TRPM7: variants seen among roughly 807,000 people sequenced by gnomAD.
TRPM7 encodes LTRPC ion channel family member 7.
In TRPM7, 134 loss-of-function variants were observed where a neutral mutation model predicts 229.7. That is an observed-to-expected ratio of 0.58 (90% CI 0.51 to 0.67). The LOEUF (loss-of-function observed/expected upper bound fraction) is 0.67, where lower values mean the gene tolerates loss of function less well. Among genes scored for constraint, TRPM7 ranks in the 30% least tolerant of loss-of-function variants. The probability of loss-of-function intolerance (pLI) is 0.00; values close to 1 mark genes in which losing one functional copy is unlikely to be tolerated. For synonymous variants in TRPM7, 699 were observed against 715.2 expected (o/e 0.98, Z 0.36); for missense variants, 1,901 against 2,210.0 (o/e 0.86, Z 2.80).
At position 50,613,796 on chromosome 15, in the gene TRPM7, T is replaced by A. The variant is rs1446456907; in HGVS notation, c.1681A>T (p.Ser561Cys). Residue 561 changes from serine (S) to cysteine (C), a missense_variant, in exon 15 of 39, where the codon AGT (serine) becomes TGT (cysteine). Physicochemically the swap from Ser to Cys is moderately radical, Grantham distance 112. Coordinates refer to ENST00000646667, the MANE Select transcript of TRPM7 (RefSeq NM_017672.6). Reference protein sequence around the residue: ...TSSSTPQLRKSHESFGNRADK... With the variant: ...TSSSTPQLRKCHESFGNRADK... Reference sequence around the variant, plus strand: ...GCCCTATTGCCAAAAGATTCATGACTCTTTCGCAACTGAGGAGTGCTGCTG... The same window carrying A: ...GCCCTATTGCCAAAAGATTCATGACACTTTCGCAACTGAGGAGTGCTGCTG... 6.2e-7 allele frequency: 1 copy of A among 1,613,920 alleles called. No homozygotes were observed. Among genetic ancestry groups the A allele is most frequent in the Non-Finnish European group, 8.5e-7 (1 of 1,179,998 alleles).
chr15:50,604,561 ACT>A (rs778800824), intron 21 of TRPM7: 12 of 169,850 alleles, frequency 7.1e-5, no homozygotes, highest in Non-Finnish European at 1.5e-4. Flanking sequence ...ACAGAGCGAA[ACT>A]CTGTCTCAAA....
At position 50,570,865 on chromosome 15, in the gene TRPM7, A is replaced by C. The variant is rs1239116840; in HGVS notation, c.5309-710T>G. 2.0e-5 allele frequency among the ~76,000 whole-genome samples: 3 copies of C among 151,114 alleles called. No individual in the cohort carries two copies. In the South Asian group the frequency reaches 6.2e-4, roughly 31 times the overall value. On this transcript the variant is annotated intron_variant, in intron 36 of 38. Coordinates refer to ENST00000646667, the MANE Select transcript of TRPM7 (RefSeq NM_017672.6). ...GTGAAATTCGTCTCAAAAAAAAAAC[A>C]AAAACAAAAACAAAAAACAAGTGTT...
intron 6 of TRPM7, 100 bp from the exon 7 acceptor site, chr15:50,637,693 T>C: frequency 9.3e-7 from 1 of 1,071,932 alleles, no homozygotes; most frequent in East Asian, 2.6e-5. Flanking sequence ...AGAAGTAAAA[T>C]TCTATTTTAC....
At chr15:50,612,501 C>T (rs777102721) in intron 16 of TRPM7, 48 bp downstream of exon 16, 1 of 1,561,386 alleles carries the variant, frequency 6.4e-7, no homozygotes, top group Non-Finnish European at 8.7e-7. Flanking sequence ...TCAAACAATA[C>T]CTACTTTGAA....
rs745539684 is a variant in TRPM7 at position 50,585,827 on chromosome 15, TCAC to T, written c.4486+562_4486+564del. Among the ~76,000 whole-genome samples the T allele has an allele frequency of 1.4e-4, 21 of 152,322 alleles. No homozygotes were observed. In the South Asian group the frequency reaches 1.9e-3, roughly 14 times the overall value. On this transcript the variant is annotated intron_variant, in intron 28 of 38. Transcript: ENST00000646667. ...TATAAAAAATTATGATATGGAAACA[TCAC>T]CACAATATAGTAAATGAGAAATTAA... is the stretch of plus-strand genomic sequence containing the variant.
At chr15:50,614,949 C>T (rs986494309) in intron 13 of TRPM7, among the ~76,000 whole-genome samples, 1 of 151,852 alleles carries the variant, frequency 6.6e-6, no homozygotes, top group East Asian at 1.9e-4. Flanking sequence ...GCAGGCAGAT[C>T]ACCTGAGGTT....
At chr15:50,623,881 A>C (rs2060487921) in intron 12 of TRPM7, among the ~76,000 whole-genome samples, 1 of 152,096 alleles carries the variant, frequency 6.6e-6, no homozygotes, top group Admixed American at 6.6e-5. Flanking sequence ...TATAATTAAG[A>C]AGTTGATCCT....
chr15:50,559,678 T>G lies in TRPM7; in HGVS notation c.*2000A>C, dbSNP rs1182540569. On this transcript the variant is annotated 3_prime_UTR_variant, in exon 39 of 39. Coordinates refer to ENST00000646667, the MANE Select transcript of TRPM7 (RefSeq NM_017672.6). ...ATCTGCAAAACAGGATAATAACACC[T>G]ATTTCTTTATAACATTGTTATAAGG... 4 of 152,204 alleles carry G rather than the reference T, an allele frequency of 2.6e-5. No homozygotes were observed. Among genetic ancestry groups the G allele is most frequent in the African/African-American group, 9.7e-5 (4 of 41,448 alleles). 9.4% of individuals were successfully genotyped at this position (152,204 alleles called of 1,614,324 possible).
At chr15:50,638,703 T>TGTATGTATGTATGTATGTAC in intron 6 of TRPM7, among the ~76,000 whole-genome samples, 1 of 152,152 alleles carries the variant, frequency 6.6e-6, no homozygotes, top group South Asian at 2.1e-4. Context: ...TATGTATGTA[T>TGTATGTATGTATGTATGTAC]GAGATGGAGT....
Position 50,611,372 on chromosome 15 carries a change from T to A in TRPM7, c.2052-51A>T, listed in dbSNP as rs540686992. Reference sequence around the variant, plus strand: ...TACTCAGATTAACAAACTGCAATTTTAAACCACTATTCTTATATACATTAA... The same window carrying A: ...TACTCAGATTAACAAACTGCAATTTAAAACCACTATTCTTATATACATTAA... On this transcript the variant is annotated intron_variant, in intron 16 of 38. Coordinates refer to ENST00000646667, the MANE Select transcript of TRPM7 (RefSeq NM_017672.6). 1.7e-5 allele frequency: 23 copies of A among 1,375,732 alleles called. No individual in the cohort carries two copies. The African/African-American group carries it at 3.3e-4, about 20-fold the overall frequency. The allele number at this position is 1,375,732 out of a possible 1,614,324, so 85.2% of individuals were successfully genotyped here.
intron 27 of TRPM7, among the ~76,000 whole-genome samples, chr15:50,589,102 G>A (rs1188551220): frequency 1.3e-5 from 2 of 152,146 alleles, no homozygotes; most frequent in East Asian, 3.9e-4. Context: ...CAGGCGGATC[G>A]CTTGAGGTCA....
At position 50,559,072 on chromosome 15, in the gene TRPM7, G is replaced by C. The variant is rs77879047; in HGVS notation, c.*2606C>G. ...CACATCCAGTTATTTTTTTTTTTTT[G>C]ACGGAGTCTCGCACTGTTGCCCAGG... On this transcript the variant is annotated 3_prime_UTR_variant, in exon 39 of 39. Transcript: ENST00000646667. 1 of 123,688 alleles carries C rather than the reference G, an allele frequency of 8.1e-6. No individual in the cohort carries two copies. Among genetic ancestry groups the C allele is most frequent in the African/African-American group, 2.9e-5 (1 of 34,854 alleles). 7.7% of individuals were successfully genotyped at this position (123,688 alleles called of 1,614,324 possible).
chr15:50,620,131 T>C (rs2060347237), intron 12 of TRPM7, among the ~76,000 whole-genome samples: 1 of 152,204 alleles, frequency 6.6e-6, no homozygotes, highest in African/African-American at 2.4e-5. Flanking sequence ...TGTTCCTCTG[T>C]TTCTGTCACT....
chr15:50,564,822 CTA>C (rs568839275), intron 38 of TRPM7, among the ~76,000 whole-genome samples: 29 of 152,172 alleles, frequency 1.9e-4, no homozygotes, highest in Non-Finnish European at 3.2e-4. Flanking sequence ...AAATTCAAGA[CTA>C]TGTCAGTATG....
chr15:50,598,621 G>C (rs2059693247), intron 22 of TRPM7, among the ~76,000 whole-genome samples: 1 of 152,158 alleles, frequency 6.6e-6, no homozygotes, highest in Non-Finnish European at 1.5e-5. Context: ...TTAGAGATAG[G>C]CAGGCTGAAG....
intron 20 of TRPM7, among the ~76,000 whole-genome samples, chr15:50,605,753 C>T (rs1476385958): frequency 6.6e-6 from 1 of 152,188 alleles, no homozygotes; most frequent in Non-Finnish European, 1.5e-5. Context: ...ACTTGCAGAG[C>T]TATTTTATGA....
intron 4 of TRPM7, among the ~76,000 whole-genome samples, chr15:50,645,688 T>C (rs2061242641): frequency 6.6e-6 from 1 of 152,182 alleles, no homozygotes; most frequent in Non-Finnish European, 1.5e-5. Flanking sequence ...ATTATTATAT[T>C]TGGGCACATA....
intron 17 of TRPM7, 44 bp downstream of exon 17, chr15:50,611,049 T>C (rs1801500036): frequency 1.7e-5 from 25 of 1,466,200 alleles, no homozygotes; most frequent in Non-Finnish European, 2.2e-5. Context: ...TCTGTTCTTT[T>C]TATCTAATCA....
In TRPM7 at chr15:50,679,380, G is replaced by A. The variant is rs145951037; in HGVS notation, c.3+7151C>T. 6.6e-3 allele frequency among the ~76,000 whole-genome samples: 987 copies of A among 149,104 alleles called. 7 individuals carry two copies. The highest frequency in any genetic ancestry group is 0.012 in the Admixed American group (181 of 14,858). On this transcript the variant is annotated intron_variant, in intron 1 of 38. Coordinates refer to ENST00000646667, the MANE Select transcript of TRPM7 (RefSeq NM_017672.6). ...TTGGACGCTTGGACGTTCACACTGC[G>A]AGTAAGCCATATCAACCCATTATCT... is the stretch of plus-strand genomic sequence containing the variant.
Sources: allele counts gnomAD v4.1 joint callset (sites outside exome capture counted in the v4.1 genomes callset), GRCh38; gene constraint gnomAD v4.1.1; transcripts MANE v1.5; gene names NCBI Gene and HGNC (gene_info 2026-07-23, HGNC 2026-07-21).